The following NPAS3 variants were observed in gnomAD, a reference collection of about 807,000 sequenced individuals.
NPAS3 encodes neuronal PAS domain protein 3.
A neutral mutation model predicts 73.1 loss-of-function variants in NPAS3; 14 were observed. That is an observed-to-expected ratio of 0.19 (90% CI 0.13 to 0.30). The LOEUF (loss-of-function observed/expected upper bound fraction) is 0.30. Among genes scored for constraint, NPAS3 ranks in the 10% least tolerant of loss-of-function variants. The pLI is 1.00. For missense variants in NPAS3, 1,096 were observed against 1,250.0 expected (o/e 0.88, Z 1.86); for synonymous variants, 620 against 541.5 (o/e 1.14, Z -2.01).
chr14:33,304,355 A>T (rs1226544743), intron 3 of NPAS3, among the ~76,000 whole-genome samples: 1 of 152,118 alleles, frequency 6.6e-6, no homozygotes, highest in East Asian at 1.9e-4. Context: ...TCTAGTTTGA[A>T]TCTTGTTTTA....
intron 3 of NPAS3, among the ~76,000 whole-genome samples, chr14:33,348,159 C>T (rs564939542): frequency 6.6e-6 from 1 of 152,190 alleles, no homozygotes; most frequent in Non-Finnish European, 1.5e-5. Context: ...CAAGACTCAG[C>T]AAGCCTCAGT....
intron 2 of NPAS3, among the ~76,000 whole-genome samples, chr14:33,160,452 G>A (rs1399976562): frequency 6.9e-6 from 1 of 145,334 alleles, no homozygotes; most frequent in Admixed American, 7.1e-5. Context: ...AAAAGTCTGT[G>A]GCTCTGGGAA....
intron 3 of NPAS3, among the ~76,000 whole-genome samples, chr14:33,348,570 A>G (rs1276599966): frequency 6.6e-6 from 1 of 152,190 alleles, no homozygotes; most frequent in Non-Finnish European, 1.5e-5. Context: ...TGTCCAGGAC[A>G]AGATTGTTTA....
chr14:33,529,418 A>G (rs1355729964), intron 4 of NPAS3, among the ~76,000 whole-genome samples: 2 of 152,106 alleles, frequency 1.3e-5, no homozygotes, highest in Non-Finnish European at 2.9e-5. Context: ...ATCTAGGTTA[A>G]GAAGCTTTGC....
At chr14:33,612,307 A>G in intron 5 of NPAS3, 1 of 432,764 alleles carries the variant, frequency 2.3e-6, no homozygotes. Flanking sequence ...ATTTGCGCTC[A>G]AAGTGTTTCA....
chr14:33,430,277 T>G (rs1272889660), intron 4 of NPAS3, among the ~76,000 whole-genome samples: 1 of 152,156 alleles, frequency 6.6e-6, no homozygotes, highest in Admixed American at 6.5e-5. Flanking sequence ...CCGCCTTCCC[T>G]TCAGTTCTTC....
intron 2 of NPAS3, among the ~76,000 whole-genome samples, chr14:33,167,491 T>A (rs950716292): frequency 1.3e-5 from 2 of 152,132 alleles, no homozygotes; most frequent in Non-Finnish European, 2.9e-5. Context: ...GAAGACCAAA[T>A]CCTGTGTTAC....
At chr14:33,349,815 G>A (rs1477302478) in intron 3 of NPAS3, among the ~76,000 whole-genome samples, 3 of 152,224 alleles carry the variant, frequency 2.0e-5, no homozygotes, top group Non-Finnish European at 2.9e-5. Context: ...CAAAGGGAGC[G>A]AGGATGCTAG....
intron 5 of NPAS3, among the ~76,000 whole-genome samples, chr14:33,675,997 G>T: frequency 6.6e-6 from 1 of 151,314 alleles, no homozygotes; most frequent in Non-Finnish European, 1.5e-5. Context: ...AAAAAAAACT[G>T]AGCTTAACAA....
intron 2 of NPAS3, among the ~76,000 whole-genome samples, chr14:33,097,924 C>A (rs973765549): frequency 8.6e-5 from 13 of 151,976 alleles, no homozygotes; most frequent in African/African-American, 2.9e-4. Flanking sequence ...TTTTGAGATA[C>A]AAATATAATC....
chr14:33,013,341 T>G (rs1207390535), intron 1 of NPAS3, among the ~76,000 whole-genome samples: 2 of 152,212 alleles, frequency 1.3e-5, no homozygotes, highest in African/African-American at 4.8e-5. Flanking sequence ...GCATTTCTAT[T>G]AAAAGAAAAA....
intron 2 of NPAS3, among the ~76,000 whole-genome samples, chr14:33,108,078 G>C (rs1298509445): frequency 6.6e-6 from 1 of 152,058 alleles, no homozygotes; most frequent in African/African-American, 2.4e-5. Flanking sequence ...AGTGCTACTA[G>C]TTTTGTGTTA....
intron 4 of NPAS3, among the ~76,000 whole-genome samples, chr14:33,538,029 A>G (rs2054332412): frequency 1.3e-5 from 2 of 151,346 alleles, no homozygotes; most frequent in Middle Eastern, 3.4e-3. Context: ...GTGGTGGCAT[A>G]GACCATAAAC....
At chr14:33,794,427 T>C (rs2138640186) in intron 10 of NPAS3, among the ~76,000 whole-genome samples, 1 of 152,226 alleles carries the variant, frequency 6.6e-6, no homozygotes, top group Non-Finnish European at 1.5e-5. Context: ...CCAGTTCTTG[T>C]GGAAATGAAG....
chr14:33,752,381 T>C (rs17101841), intron 7 of NPAS3, among the ~76,000 whole-genome samples: 3,075 of 152,212 alleles, frequency 0.02, 98 homozygotes, highest in African/African-American at 0.07. Flanking sequence ...GCAAGAGCCA[T>C]TTAAGAGTAG....
At chr14:33,449,622 C>T (rs2049694508) in intron 4 of NPAS3, among the ~76,000 whole-genome samples, 1 of 151,272 alleles carries the variant, frequency 6.6e-6, no homozygotes. Context: ...CATATACATG[C>T]ACACACATGC....
intron 5 of NPAS3, among the ~76,000 whole-genome samples, chr14:33,666,589 C>T (rs1426602767): frequency 1.3e-5 from 2 of 152,206 alleles, no homozygotes; most frequent in Non-Finnish European, 2.9e-5. Context: ...ATTTGAGAGG[C>T]AGTGACCTAC....
chr14:33,156,971 AG>A (rs2044669633), intron 2 of NPAS3, among the ~76,000 whole-genome samples: 1 of 152,208 alleles, frequency 6.6e-6, no homozygotes, highest in South Asian at 2.1e-4. Flanking sequence ...GGAGAACTGT[AG>A]TTACATTTAC....
intron 4 of NPAS3, among the ~76,000 whole-genome samples, chr14:33,432,058 A>G (rs1490097227): frequency 6.6e-6 from 1 of 152,208 alleles, no homozygotes; most frequent in African/African-American, 2.4e-5. Flanking sequence ...AGAAATGAGA[A>G]TCAGTATATA....
Sources: allele counts gnomAD v4.1 joint callset (sites outside exome capture counted in the v4.1 genomes callset), GRCh38; gene constraint gnomAD v4.1.1; transcripts MANE v1.5; gene names NCBI Gene and HGNC (gene_info 2026-07-23, HGNC 2026-07-21).